Variants in SH3RF1 observed in about 807,000 individuals in gnomAD.
The protein encoded by SH3RF1 is E3 ubiquitin-protein ligase SH3RF1.
In SH3RF1, 32 loss-of-function variants were observed where a neutral mutation model predicts 74.0. The ratio of observed to expected loss-of-function variants is 0.43; its 90% CI spans 0.33 to 0.58. The LOEUF (loss-of-function observed/expected upper bound fraction) is 0.58. Ranked by LOEUF, SH3RF1 falls within the 20% of genes least tolerant of loss-of-function variation. SH3RF1 has a pLI of 0.05. For missense variants in SH3RF1, 954 were observed against 1,130.9 expected (o/e 0.84, Z 2.24); for synonymous variants, 396 against 439.6 (o/e 0.90, Z 1.24).
At chr4:169,203,705 A>G (rs1734948008) in intron 2 of SH3RF1, among the ~76,000 whole-genome samples, 1 of 152,344 alleles carries the variant, frequency 6.6e-6, no homozygotes, top group Admixed American at 6.5e-5. Context: ...ACTTATACCT[A>G]GAACAGTATC....
chr4:169,265,109 G>A (rs991108178), intron 2 of SH3RF1, among the ~76,000 whole-genome samples: 1 of 152,048 alleles, frequency 6.6e-6, no homozygotes, highest in African/African-American at 2.4e-5. Flanking sequence ...TTACATGCCT[G>A]CATTGTTATT....
At chr4:169,197,560 G>T (rs558233638) in intron 2 of SH3RF1, among the ~76,000 whole-genome samples, 1 of 146,962 alleles carries the variant, frequency 6.8e-6, no homozygotes, top group Admixed American at 7.0e-5. Context: ...GGAGGCAGAC[G>T]TTACAGTGAG....
At chr4:169,136,739 A>G in intron 4 of SH3RF1, 119 bp from the exon 5 acceptor site, 2 of 1,033,282 alleles carry the variant, frequency 1.9e-6, no homozygotes, top group East Asian at 2.8e-5. Flanking sequence ...AAGTTTGCCT[A>G]TGCAGTGTCT....
intron 4 of SH3RF1, among the ~76,000 whole-genome samples, chr4:169,146,822 T>C (rs568717377): frequency 6.6e-6 from 1 of 152,132 alleles, no homozygotes; most frequent in East Asian, 1.9e-4. Flanking sequence ...TTTTCCTATA[T>C]TAAAGGATAG....
At chr4:169,220,039 A>C (rs919638976) in intron 2 of SH3RF1, 1 of 152,232 alleles carries the variant, frequency 6.6e-6, no homozygotes, top group Non-Finnish European at 1.5e-5. Flanking sequence ...GAAAGCAGAA[A>C]TGTGGGTTTT....
intron 2 of SH3RF1, among the ~76,000 whole-genome samples, chr4:169,258,268 T>C (rs955493145): frequency 6.6e-6 from 1 of 152,202 alleles, no homozygotes; most frequent in African/African-American, 2.4e-5. Flanking sequence ...TCATGCTTCA[T>C]ATATGGAGAC....
chr4:169,133,388 T>C (rs1733648476), intron 5 of SH3RF1, among the ~76,000 whole-genome samples: 1 of 151,858 alleles, frequency 6.6e-6, no homozygotes, highest in African/African-American at 2.4e-5. Flanking sequence ...GGCAGGAGAA[T>C]TGCTTGAACC....
At chr4:169,124,432 T>C (rs1733491953) in intron 6 of SH3RF1, among the ~76,000 whole-genome samples, 1 of 152,240 alleles carries the variant, frequency 6.6e-6, no homozygotes, top group Non-Finnish European at 1.5e-5. Context: ...AAATGTTTCA[T>C]GTACATTACT....
At chr4:169,207,396 C>T (rs1554008760) in intron 2 of SH3RF1, among the ~76,000 whole-genome samples, 1 of 152,186 alleles carries the variant, frequency 6.6e-6, no homozygotes, top group Non-Finnish European at 1.5e-5. Context: ...CACTGTGCTC[C>T]AGTCTAGGTG....
Position 169,268,935 on chromosome 4 carries a change from C to G in SH3RF1, c.278G>C (p.Cys93Ser), listed in dbSNP as rs1731399404. ...PGPGGGSGTN[C>S]TNALRSQSST... ...GCTCTGAGACCTTAATGCATTTGTGCAGTTGGTCCCACTTCCCCCACCAGG... is the reference window on the plus strand; with the variant it reads ...GCTCTGAGACCTTAATGCATTTGTGGAGTTGGTCCCACTTCCCCCACCAGG... The change falls in exon 2 of 12, where the codon TGC (cysteine) becomes TCC (serine). Residue 93 changes from cysteine to serine, a missense_variant. Cys to Ser is a moderately radical substitution (Grantham distance 112). Around this residue, in one of 3 missense-constraint regions of SH3RF1, gnomAD observed 854 missense variants for 962.5 expected, o/e 0.89. Transcript: ENST00000284637. 1.2e-6 allele frequency: 2 copies of G among 1,614,142 alleles called. No individual in the cohort carries two copies. The highest frequency in any genetic ancestry group is 1.7e-6 in the Non-Finnish European group (2 of 1,180,026).
At chr4:169,187,544 G>C (rs987735078) in intron 2 of SH3RF1, among the ~76,000 whole-genome samples, 2 of 140,558 alleles carry the variant, frequency 1.4e-5, no homozygotes, top group Non-Finnish European at 3.1e-5. Flanking sequence ...GTGTGTGTGT[G>C]TGTGTGTGTG....
intron 2 of SH3RF1, among the ~76,000 whole-genome samples, chr4:169,256,731 G>A (rs1452460503): frequency 3.9e-5 from 6 of 151,998 alleles, no homozygotes; most frequent in Non-Finnish European, 5.9e-5. Flanking sequence ...TGAGGAGCTC[G>A]GACTACAGGT....
At chr4:169,198,382 G>A (rs1734855220) in intron 2 of SH3RF1, among the ~76,000 whole-genome samples, 1 of 152,102 alleles carries the variant, frequency 6.6e-6, no homozygotes, top group Non-Finnish European at 1.5e-5. Context: ...GATTCTTCAT[G>A]CTTAATATGC....
In SH3RF1 at chr4:169,251,305, C is replaced by T. The variant is rs898425070; in HGVS notation, c.393+17515G>A. 9.2e-5 allele frequency among the ~76,000 whole-genome samples: 14 copies of T among 152,256 alleles called. No homozygotes were observed. In the East Asian group the frequency reaches 1.9e-3, roughly 21 times the overall value. On this transcript the variant is annotated intron_variant, in intron 2 of 11. Transcript: ENST00000284637. ...ATTTCATTATATCTAAACAAATACACGTAAAGTCATGTATACACGCTGTAA... is the reference window on the plus strand; with the variant it reads ...ATTTCATTATATCTAAACAAATACATGTAAAGTCATGTATACACGCTGTAA...
intron 11 of SH3RF1, among the ~76,000 whole-genome samples, chr4:169,103,784 G>T (rs1733082602): frequency 6.6e-6 from 1 of 152,084 alleles, no homozygotes; most frequent in African/African-American, 2.4e-5. Context: ...GGTCAGATTG[G>T]CTATTATATT....
At chr4:169,247,860 G>A (rs1303914053) in intron 2 of SH3RF1, among the ~76,000 whole-genome samples, 1 of 122,728 alleles carries the variant, frequency 8.1e-6, no homozygotes, top group African/African-American at 3.0e-5. Context: ...CTCAAAAGAA[G>A]ACATTTATGC....
In SH3RF1 at chr4:169,116,380, A is replaced by G; in HGVS notation, c.2028T>C (p.Ala676=). The stretch of plus-strand genomic sequence containing the variant: ...CGGTCACTATCCGGCCACTGGGCTC[A>G]GCCTCCAGAGAAGCACTGGTGATGC... ...SPSITSASLE[A]EPSGRIVTVL... Residue 676 remains alanine (A), a synonymous_variant, in exon 10 of 12, where the codon GCT becomes GCC. Coordinates refer to ENST00000284637, the MANE Select transcript of SH3RF1 (RefSeq NM_020870.4). 1 of 1,614,246 alleles carries G rather than the reference A, an allele frequency of 6.2e-7. No homozygotes were observed. Among genetic ancestry groups the G allele is most frequent in the Non-Finnish European group, 8.5e-7 (1 of 1,180,034 alleles).
At chr4:169,205,625 T>C (rs1385349618) in intron 2 of SH3RF1, among the ~76,000 whole-genome samples, 1 of 152,196 alleles carries the variant, frequency 6.6e-6, no homozygotes, top group Non-Finnish European at 1.5e-5. Context: ...AATACGCACC[T>C]GTCAGAAAAT....
chr4:169,117,735 C>A lies in SH3RF1; in HGVS notation c.1565G>T (p.Gly522Val). The A allele has an allele frequency of 6.2e-7, 1 of 1,614,158 alleles. No individual in the cohort carries two copies. Among genetic ancestry groups the A allele is most frequent in the Non-Finnish European group, 8.5e-7 (1 of 1,180,034 alleles). Residue 522 changes from glycine to valine, a missense_variant, in exon 9 of 12, where the codon GGC becomes GTC. Around this residue, in one of 3 missense-constraint regions of SH3RF1, gnomAD observed 854 missense variants for 962.5 expected, o/e 0.89. Transcript: ENST00000284637. ...CATGGTCACTCCCCGACTTGTCTGG[C>A]CAGCTGTAGACATAGGGACTTTAGC... Reference protein sequence around the residue: ...SQAKVPMSTAGQTSRGVTMVS... With the variant: ...SQAKVPMSTAVQTSRGVTMVS...
Sources: gnomAD v4.1 joint callset for allele counts (sites outside exome capture counted in the v4.1 genomes callset) on GRCh38, gnomAD v4.1.1 for gene constraint, gnomAD v4.1.1 regional missense constraint, MANE v1.5 for transcripts, NCBI Gene and HGNC (gene_info 2026-07-23, HGNC 2026-07-21) for gene names.